Variants in USP31 observed in about 807,000 individuals in gnomAD.
USP31 encodes the protein ubiquitin specific peptidase 31.
Under a neutral mutation model 119.4 loss-of-function variants are expected in USP31, and 44 were observed. That is an observed-to-expected ratio of 0.37 (90% CI 0.29 to 0.47). USP31 has a LOEUF of 0.47. Ranked by LOEUF, USP31 falls within the 20% of genes least tolerant of loss-of-function variation. USP31 has a pLI of 0.99. For synonymous variants in USP31, 749 were observed against 705.6 expected, an observed-to-expected ratio of 1.06 and a Z score of -0.97; for missense variants, 1,643 against 1,730.2, an observed-to-expected ratio of 0.95 and a Z score of 0.89.
rs988877856 is a variant in USP31, at chr16:23,096,069, C to T, written c.1235-5265G>A. 2.6e-5 allele frequency among the ~76,000 whole-genome samples: 4 copies of T among 152,206 alleles called. No homozygotes were observed. In the East Asian group the frequency reaches 5.8e-4, roughly 22 times the overall value. Reference sequence around the variant, plus strand: ...ACTGGCAAACTGGATAGAGTCAAGACCCATCAGTGTGCTGTATTCAGGAGA... The same window carrying T: ...ACTGGCAAACTGGATAGAGTCAAGATCCATCAGTGTGCTGTATTCAGGAGA... On this transcript the variant is annotated intron_variant, in intron 6 of 15. Transcript: ENST00000219689.
chr16:23,071,278 T>C (rs2141828311), intron 15 of USP31, among the ~76,000 whole-genome samples: 1 of 152,206 alleles, frequency 6.6e-6, no homozygotes, highest in African/African-American at 2.4e-5. Context: ...TAGAAGCAGA[T>C]TACAGTGATC....
rs1198585093 is a variant in USP31, at chr16:23,147,210, GCAAT to G, written c.633+1424_633+1427del. 2.0e-5 allele frequency among the ~76,000 whole-genome samples: 3 copies of G among 152,294 alleles called. No individual in the cohort carries two copies. The East Asian group carries it at 5.8e-4, about 29-fold the overall frequency. ...TGCAACGTCCGCCTCCCAGGTTCAA[GCAAT>G]TCTCCTGCCTCAGCCTCCTGAGTAG... On this transcript the variant is annotated intron_variant, in intron 1 of 15. Transcript: ENST00000219689.
rs368488918 is a variant in USP31 at position 23,147,110 on chromosome 16, T to TTTG, written c.633+1525_633+1527dup. ...TCTCCCTGTGTGACTTCACGCTGTT[T>TTTG]TTGTTTTGTTTTGTTTTTACAGATA... On this transcript the variant is annotated intron_variant, in intron 1 of 15. Transcript: ENST00000219689. Among the ~76,000 whole-genome samples, 655 of 152,112 alleles carry TTTG rather than the reference T, an allele frequency of 4.3e-3. 7 individuals are homozygous for TTTG. Among genetic ancestry groups the TTTG allele is most frequent in the African/African-American group, 0.015 (628 of 41,510 alleles).
chr16:23,105,359 C>CA, intron 5 of USP31, 82 bp downstream of exon 5: 1 of 1,418,900 alleles, frequency 7.0e-7, no homozygotes, highest in Admixed American at 2.5e-5. Flanking sequence ...CCATACTTGG[C>CA]AAAGAACTGT....
chr16:23,088,011 G>T (rs867053835), intron 7 of USP31, among the ~76,000 whole-genome samples, 176 bp from the exon 8 acceptor site: 2 of 152,178 alleles, frequency 1.3e-5, no homozygotes, highest in African/African-American at 4.8e-5. Flanking sequence ...TGAACAGCTT[G>T]GATTTCTAAA....
intron 1 of USP31, among the ~76,000 whole-genome samples, chr16:23,135,506 C>A (rs765194871): frequency 2.6e-5 from 4 of 151,964 alleles, no homozygotes; most frequent in Non-Finnish European, 5.9e-5. Context: ...GATACAAAAT[C>A]AACATGCAAA....
intron 1 of USP31, among the ~76,000 whole-genome samples, chr16:23,135,462 A>G (rs1278321469): frequency 6.6e-6 from 1 of 152,200 alleles, no homozygotes; most frequent in Non-Finnish European, 1.5e-5. Context: ...CCACACCAAA[A>G]TCTGTTAGCA....
intron 13 of USP31, among the ~76,000 whole-genome samples, chr16:23,077,489 G>A (rs1900626952): frequency 6.6e-6 from 1 of 152,154 alleles, no homozygotes; most frequent in Admixed American, 6.5e-5. Flanking sequence ...CCTCTGCCTT[G>A]GCTGATGGGG....
At chr16:23,082,831 C>CTCTTTTTTTTTT (rs749099969) in intron 11 of USP31, among the ~76,000 whole-genome samples, 1 of 129,330 alleles carries the variant, frequency 7.7e-6, no homozygotes, top group Non-Finnish European at 1.6e-5. Flanking sequence ...CTTTCTCTCT[C>CTCTTTTTTTTTT]TTTTTTTTTT....
In USP31 at chr16:23,062,208, T is replaced by C. The variant is rs542071713; in HGVS notation, c.*5838A>G. On this transcript the variant is annotated 3_prime_UTR_variant, in exon 16 of 16. Coordinates refer to ENST00000219689, the MANE Select transcript of USP31 (RefSeq NM_020718.4). ...CGACAGAATGAAACCATCAGATTAC[T>C]TCGAAGGTGTTGTAGTGCATTCAGC... The C allele has an allele frequency of 1.3e-5, 2 of 152,468 alleles. No homozygotes were observed. The highest frequency in any genetic ancestry group is 4.1e-4 in the South Asian group (2 of 4,830). The allele number at this position is 152,468 out of a possible 1,614,324, so 9.4% of individuals were successfully genotyped here. A position where few individuals can be genotyped will look rare whatever the true frequency, so the allele number is the denominator to read the frequency against.
chr16:23,139,349 C>A (rs1903284445), intron 1 of USP31, among the ~76,000 whole-genome samples: 1 of 152,170 alleles, frequency 6.6e-6, no homozygotes, highest in Non-Finnish European at 1.5e-5. Flanking sequence ...TTGCAGTGAG[C>A]CGAGATCACG....
intron 1 of USP31, among the ~76,000 whole-genome samples, chr16:23,126,749 A>T (rs1178166250): frequency 6.6e-6 from 1 of 152,218 alleles, no homozygotes; most frequent in Non-Finnish European, 1.5e-5. Flanking sequence ...CATTATAAGG[A>T]GCAAATAAAA....
intron 6 of USP31, among the ~76,000 whole-genome samples, chr16:23,091,115 T>C (rs1297642086): frequency 6.6e-6 from 1 of 152,226 alleles, no homozygotes; most frequent in African/African-American, 2.4e-5. Context: ...CAAGAAAATT[T>C]AGTGAGGTCA....
At chr16:23,089,590 T>A (rs948006607) in intron 7 of USP31, among the ~76,000 whole-genome samples, 1 of 152,226 alleles carries the variant, frequency 6.6e-6, no homozygotes, top group Non-Finnish European at 1.5e-5. Context: ...GGAACTTATT[T>A]CAAAGCAAAA....
At chr16:23,090,903 A>C in intron 6 of USP31, 99 bp from the exon 7 acceptor site, 1 of 1,128,496 alleles carries the variant, frequency 8.9e-7, no homozygotes, top group Non-Finnish European at 1.2e-6. Context: ...TTTTTTAAAA[A>C]TGTCATTATG....
chr16:23,107,237 C>G (rs563890914), intron 2 of USP31, among the ~76,000 whole-genome samples: 1 of 152,156 alleles, frequency 6.6e-6, no homozygotes, highest in African/African-American at 2.4e-5. Context: ...CATGTCCCTC[C>G]GCCTAACAAT....
intron 1 of USP31, among the ~76,000 whole-genome samples, chr16:23,131,798 T>C (rs1159296293): frequency 6.6e-6 from 1 of 152,188 alleles, no homozygotes; most frequent in African/African-American, 2.4e-5. Context: ...TTATTGTTTC[T>C]TAAATCTCCT....
intron 1 of USP31, among the ~76,000 whole-genome samples, chr16:23,116,556 G>C (rs1902491512): frequency 6.6e-6 from 1 of 152,140 alleles, no homozygotes; most frequent in Non-Finnish European, 1.5e-5. Context: ...AGAATAAATA[G>C]GGCCTTCTGT....
At chr16:23,089,868 G>C (rs762580157) in intron 7 of USP31, among the ~76,000 whole-genome samples, 1 of 152,210 alleles carries the variant, frequency 6.6e-6, no homozygotes, top group Non-Finnish European at 1.5e-5. Context: ...TGGAGAGCCA[G>C]TTTTAAAAGG....
Sources: gnomAD v4.1 joint callset for allele counts (sites outside exome capture counted in the v4.1 genomes callset) on GRCh38, gnomAD v4.1.1 for gene constraint, MANE v1.5 for transcripts, NCBI Gene and HGNC (gene_info 2026-07-23, HGNC 2026-07-21) for gene names.